Variants in KCNN1 observed in about 807,000 individuals in gnomAD.
KCNN1 encodes the protein small conductance calcium-activated potassium channel protein 1.
Under a neutral mutation model 44.7 loss-of-function variants are expected in KCNN1, and 20 were observed. The ratio of observed to expected loss-of-function variants is 0.45; its 90% confidence interval spans 0.32 to 0.65. The LOEUF (loss-of-function observed/expected upper bound fraction) is 0.65. Ranked by LOEUF, KCNN1 falls within the 30% of genes least tolerant of loss-of-function variation. The pLI is 0.05. For missense variants in KCNN1, 632 were observed against 785.3 expected (o/e 0.80, Z 2.33); for synonymous variants, 324 against 341.7 (o/e 0.95, Z 0.57).
At chr19:17,971,318 A>G (rs1005685952) in intron 1 of KCNN1, among the ~76,000 whole-genome samples, 2 of 152,092 alleles carry the variant, frequency 1.3e-5, no homozygotes, top group Non-Finnish European at 2.9e-5. Flanking sequence ...GGGGACCCCT[A>G]GTGCATGCTG....
At position 17,992,962 on chromosome 19, in the gene KCNN1, G is replaced by A. The variant is rs1303206874; in HGVS notation, c.1299-92G>A. 32 of 1,530,152 alleles carry A rather than the reference G, an allele frequency of 2.1e-5. No homozygotes were observed. The East Asian group carries it at 2.1e-4, about 10-fold the overall frequency. 94.8% of individuals were successfully genotyped at this position (1,530,152 alleles called of 1,614,324 possible). On this transcript the variant is annotated intron_variant, in intron 7 of 9. Transcript: ENST00000684775. ...CGCGGGGCCCTAGGGTGGCATCCCC[G>A]GGAGGTGGGCAGGGTTGGGTACATG...
At chr19:17,951,671 T>G (rs1437931122) in intron 1 of KCNN1, among the ~76,000 whole-genome samples, 1 of 151,974 alleles carries the variant, frequency 6.6e-6, no homozygotes, top group Admixed American at 6.6e-5. Context: ...TAGAGAAGTT[T>G]TCTGTGGTTT....
At position 17,958,847 on chromosome 19, in the gene KCNN1, G is replaced by A. The variant is rs554166372; in HGVS notation, c.-82+4166G>A. Among the ~76,000 whole-genome samples the A allele has an allele frequency of 1.2e-3, 185 of 150,580 alleles. 1 individual carries two copies. The highest frequency in any genetic ancestry group is 4.0e-3 in the African/African-American group (164 of 41,024). On this transcript the variant is annotated intron_variant, in intron 2 of 10. Coordinates refer to the KCNN1 transcript ENST00000222249. ...CGAGTAGCTGGGACTACAGGCGCCC[G>A]CCACCACGCCTGGCTAATTTTTTTT...
At position 17,973,884 on chromosome 19, in the gene KCNN1, T is replaced by TA. The variant is rs749700667; in HGVS notation, c.-4dup. ...AGCGAGCCCAACCCCTGCACCCAGG[T>TA]AGTCATGAACAGCCACAGCTACAAT... On this transcript the variant is annotated 5_prime_UTR_variant, in exon 2 of 10. It removes the in-frame stop codon of an upstream open reading frame in the 5' UTR. Coordinates refer to ENST00000684775, the MANE Select transcript of KCNN1 (RefSeq NM_001386974.1). 3 of 1,550,472 alleles carry TA rather than the reference T, an allele frequency of 1.9e-6. No homozygotes were observed. The highest frequency in any genetic ancestry group is 2.6e-6 in the Non-Finnish European group (3 of 1,149,540).
intron 4 of KCNN1, among the ~76,000 whole-genome samples, chr19:17,984,909 C>A (rs1239691113): frequency 6.6e-6 from 1 of 152,028 alleles, no homozygotes. Context: ...CCTCCCACCT[C>A]CTCCAGTCCT....
intron 4 of KCNN1, 109 bp from the exon 5 acceptor site, chr19:17,985,203 C>G (rs1424438648): frequency 1.9e-6 from 2 of 1,080,626 alleles, no homozygotes; most frequent in Non-Finnish European, 2.6e-6. Context: ...CCCAACGCAG[C>G]GAGGTGGACT....
rs562942192 is a variant in KCNN1 at position 17,990,271 on chromosome 19, G to A, written c.1298+428G>A. 5.4e-5 allele frequency among the ~76,000 whole-genome samples: 8 copies of A among 148,220 alleles called. No homozygotes were observed. The South Asian group carries it at 1.3e-3, about 24-fold the overall frequency. On this transcript the variant is annotated intron_variant, in intron 7 of 9. Transcript: ENST00000684775. Reference sequence around the variant, plus strand: ...TTTGGGAGGCAGGAAGATCGCTTGAGTCCAGGAGTTCAACACCATCCGTGG... The same window carrying A: ...TTTGGGAGGCAGGAAGATCGCTTGAATCCAGGAGTTCAACACCATCCGTGG...
chr19:17,985,363 G>C lies in KCNN1; in HGVS notation c.969G>C (p.Leu323=). ...GCAACTTCCTGGGGGCCATGTGGCT[G>C]ATTTCCATCACCTTCCTCTCCATTG... ...VTSNFLGAMW[L]ISITFLSIGY... Residue 323 remains leucine, a synonymous_variant, in exon 5 of 10, where the codon CTG becomes CTC. Transcript: ENST00000684775. 3 of 1,611,562 alleles carry C rather than the reference G, an allele frequency of 1.9e-6. No individual in the cohort carries two copies. Among genetic ancestry groups the C allele is most frequent in the Non-Finnish European group, 2.5e-6 (3 of 1,178,406 alleles).
chr19:17,993,110 A>C lies in KCNN1; in HGVS notation c.1307+48A>C, dbSNP rs763632332. 6.2e-7 allele frequency: 1 copy of C among 1,611,824 alleles called. No individual in the cohort carries two copies. The highest frequency in any genetic ancestry group is 1.1e-5 in the South Asian group (1 of 90,860). ...GGTGGGGCTGGGAAATCGGGGGTGCATGGTGGTCACAGACAGGGGGTACAC... is the reference window on the plus strand; with the variant it reads ...GGTGGGGCTGGGAAATCGGGGGTGCCTGGTGGTCACAGACAGGGGGTACAC... On this transcript the variant is annotated intron_variant, in intron 8 of 9. Coordinates refer to ENST00000684775, the MANE Select transcript of KCNN1 (RefSeq NM_001386974.1). This position sits in a 1 kb window ranked among gnomAD's most constrained non-coding sequence, Gnocchi z 4.5.
intron 2 of KCNN1, among the ~76,000 whole-genome samples, chr19:17,957,318 AAAAGAAGGAAGG>A (rs1324464048): frequency 3.4e-5 from 5 of 149,064 alleles, no homozygotes; most frequent in South Asian, 2.2e-4. Context: ...GAGAGAGAAA[AAAAGAAGGAAGG>A]AAAGAAGGAA....
chr19:17,979,925 G>T (rs1016990179), intron 3 of KCNN1, among the ~76,000 whole-genome samples: 1 of 152,090 alleles, frequency 6.6e-6, no homozygotes, highest in African/African-American at 2.4e-5. Flanking sequence ...GTACAGTGAA[G>T]GGCTGGGCAC....
intron 1 of KCNN1, among the ~76,000 whole-genome samples, chr19:17,969,170 G>C (rs1458101298): frequency 6.6e-6 from 1 of 152,044 alleles, no homozygotes; most frequent in East Asian, 1.9e-4. Context: ...CCAGGAATGG[G>C]GAAGGCCCAG....
At chr19:17,981,561 A>G (rs1413671019) in intron 3 of KCNN1, 148 bp from the exon 4 acceptor site, 8 of 702,068 alleles carry the variant, frequency 1.1e-5, no homozygotes, top group Non-Finnish European at 1.6e-5. Context: ...TCAAAAAAAA[A>G]AAAAAAAGAA....
upstream of KCNN1, among the ~76,000 whole-genome samples, chr19:17,966,201 G>A (rs1186331447): frequency 6.6e-6 from 1 of 152,200 alleles, no homozygotes; most frequent in Non-Finnish European, 1.5e-5. Context: ...AAAACAGATG[G>A]AGGGTGTGGG....
At chr19:17,965,273 C>CAAA (rs35151160), upstream of KCNN1, among the ~76,000 whole-genome samples, 1 of 134,456 alleles carries the variant, frequency 7.4e-6, no homozygotes, top group South Asian at 2.3e-4. Context: ...GACTCTGTCT[C>CAAA]AAAAAAAAAA....
At chr19:17,996,767 G>C (rs1229368570) in intron 9 of KCNN1, among the ~76,000 whole-genome samples, 1 of 152,164 alleles carries the variant, frequency 6.6e-6, no homozygotes, top group African/African-American at 2.4e-5. Context: ...AGGAGGGGAG[G>C]CCCCCACAAG....
At position 17,983,012 on chromosome 19, in the gene KCNN1, TCA is replaced by T. The variant is rs1491113950; in HGVS notation, c.917+886_917+887del. ...CTGAGATTGCGCCACTGCACTCCAGTCAAAAAAAAAAAAGACAAATAAATGGG... is the reference window on the plus strand; with the variant it reads ...CTGAGATTGCGCCACTGCACTCCAGTAAAAAAAAAAAGACAAATAAATGGG... On this transcript the variant is annotated intron_variant, in intron 4 of 9. Coordinates refer to ENST00000684775, the MANE Select transcript of KCNN1 (RefSeq NM_001386974.1). This position sits in a 1 kb window ranked among gnomAD's most constrained non-coding sequence, Gnocchi z 4.5. Among the ~76,000 whole-genome samples the T allele has an allele frequency of 1.3e-4, 13 of 101,804 alleles. No individual in the cohort carries two copies. Among genetic ancestry groups the T allele is most frequent in the African/African-American group, 2.1e-4 (5 of 23,746 alleles). 66.8% of individuals were successfully genotyped at this position (101,804 alleles called of 152,430 possible).
intron 3 of KCNN1, 105 bp downstream of exon 3, chr19:17,975,292 A>G (rs2032169843): frequency 5.4e-6 from 4 of 745,776 alleles, no homozygotes; most frequent in African/African-American, 3.5e-5. Flanking sequence ...AAGGATGTAT[A>G]ATTGGCTTCT....
Position 17,998,367 on chromosome 19 carries a change from C to G in KCNN1, c.1593C>G (p.Pro531=), listed in dbSNP as rs758202808. The part of the protein sequence containing the change: ...GPQDQAARSS[P]CRWTPVAPSD... ...AAGACCAGGCAGCCCGGAGCTCCCCCTGCCGGTGGACGCCCGTGGCCCCCT... is the reference window on the plus strand; with the variant it reads ...AAGACCAGGCAGCCCGGAGCTCCCCGTGCCGGTGGACGCCCGTGGCCCCCT... The change falls in exon 10 of 10, where the codon CCC becomes CCG. Residue 531 remains proline (P), a synonymous_variant. Transcript: ENST00000684775. This position sits in a 1 kb window ranked among gnomAD's most constrained non-coding sequence, Gnocchi z 5.4. The G allele has an allele frequency of 6.0e-6, 9 of 1,504,314 alleles. No individual in the cohort carries two copies. The highest frequency in any genetic ancestry group is 8.0e-6 in the Non-Finnish European group (9 of 1,129,780). 93.2% of individuals were successfully genotyped at this position (1,504,314 alleles called of 1,614,324 possible).
Sources: allele counts gnomAD v4.1 joint callset (sites outside exome capture counted in the v4.1 genomes callset), GRCh38; gene constraint gnomAD v4.1.1; non-coding constraint Gnocchi (gnomAD v3.1); transcripts MANE v1.5; gene names NCBI Gene and HGNC (gene_info 2026-07-23, HGNC 2026-07-21).